The following CLUL1 variants were observed in gnomAD, a reference collection of about 807,000 sequenced individuals.
CLUL1 encodes the protein clusterin like 1.
In CLUL1, 43 loss-of-function variants were observed where a neutral mutation model predicts 49.4. The observed-to-expected ratio is 0.87, with a 90% CI of 0.68 to 1.12. CLUL1 has a LOEUF of 1.12. Ranked by LOEUF, CLUL1 falls within the 50% of genes most tolerant of loss-of-function variation. The pLI is 0.00. For synonymous variants in CLUL1, 192 were observed against 184.9 expected (o/e 1.04, Z -0.31); for missense variants, 486 against 544.4 (o/e 0.89, Z 1.07).
At chr18:645,337 A>G (rs554841408) in intron 9 of CLUL1, 17 of 334,766 alleles carry the variant, frequency 5.1e-5, no homozygotes, top group Non-Finnish European at 8.0e-5. Flanking sequence ...TGGTGGGAAC[A>G]TAATTGGTTT....
intron 6 of CLUL1, among the ~76,000 whole-genome samples, chr18:628,251 A>G (rs2073870367): frequency 6.6e-6 from 1 of 152,238 alleles, no homozygotes; most frequent in South Asian, 2.1e-4. Context: ...CTCACATATA[A>G]CCAGAGCAAT....
At chr18:600,567 C>T (rs878954922) in intron 1 of CLUL1, among the ~76,000 whole-genome samples, 1 of 152,168 alleles carries the variant, frequency 6.6e-6, no homozygotes, top group African/African-American at 2.4e-5. Flanking sequence ...GAAATACACT[C>T]AGAAACCTGA....
In CLUL1 at chr18:606,948, T is replaced by A; in HGVS notation, c.-135-30T>A. The A allele has an allele frequency of 1.7e-6, 1 of 602,612 alleles. No individual in the cohort carries two copies. Among genetic ancestry groups the A allele is most frequent in the South Asian group, 2.0e-5 (1 of 49,662 alleles). 37.3% of individuals were successfully genotyped at this position (602,612 alleles called of 1,614,324 possible). ...ATAATTTTAGGCGGCTCCCTAAAATTTCTTTTCTTTTTTCTTTTCTTTTCT... is the reference window on the plus strand; with the variant it reads ...ATAATTTTAGGCGGCTCCCTAAAATATCTTTTCTTTTTTCTTTTCTTTTCT... On this transcript the variant is annotated intron_variant, in intron 1 of 9. Transcript: ENST00000692774. This position sits in a 1 kb window ranked among gnomAD's most constrained non-coding sequence, Gnocchi z 4.1.
rs775023261 is a variant in CLUL1 at position 627,373 on chromosome 18, A to G, written c.700A>G (p.Lys234Glu). Residue 234 changes from lysine to glutamate, a missense_variant, in exon 6 of 10, where the codon AAA becomes GAA. By Grantham distance (56) the Lys-to-Glu change is moderately conservative. Coordinates refer to ENST00000692774, the MANE Select transcript of CLUL1 (RefSeq NM_001393344.1). ...GCCTTACTTTTTTCCAGCTTTCTCT[A>G]AAGAGCCGATGACAAAAGCAGATCT... ...TEPYFFPAFS[K>E]EPMTKADLEQ... 2.5e-6 allele frequency: 4 copies of G among 1,614,178 alleles called. No individual in the cohort carries two copies. The highest frequency in any genetic ancestry group is 2.2e-5 in the South Asian group (2 of 91,088).
At position 618,176 on chromosome 18, in the gene CLUL1, G is replaced by A. The variant is rs1196719308; in HGVS notation, c.106+70G>A. 3.5e-6 allele frequency: 4 copies of A among 1,157,588 alleles called. No homozygotes were observed. Among genetic ancestry groups the A allele is most frequent in the Non-Finnish European group, 5.2e-6 (4 of 773,502 alleles). The allele number at this position is 1,157,588 out of a possible 1,614,324, so 71.7% of individuals were successfully genotyped here. ...GTTGTCCTGCTGGCGTTTATAGTGAGTCGCAGTTGAGAGATAACCATATTC... is the reference window on the plus strand; with the variant it reads ...GTTGTCCTGCTGGCGTTTATAGTGAATCGCAGTTGAGAGATAACCATATTC... On this transcript the variant is annotated intron_variant, in intron 3 of 9. Coordinates refer to ENST00000692774, the MANE Select transcript of CLUL1 (RefSeq NM_001393344.1). This position sits in a 1 kb window ranked among gnomAD's most constrained non-coding sequence, Gnocchi z 4.2.
intron 1 of CLUL1, among the ~76,000 whole-genome samples, chr18:605,605 A>C (rs549911888): frequency 6.6e-6 from 1 of 152,186 alleles, no homozygotes; most frequent in Non-Finnish European, 1.5e-5. Context: ...TAAAGGATAC[A>C]TATCAGGAAA....
chr18:606,947 T>G lies in CLUL1; in HGVS notation c.-135-31T>G. On this transcript the variant is annotated intron_variant, in intron 1 of 9. Coordinates refer to ENST00000692774, the MANE Select transcript of CLUL1 (RefSeq NM_001393344.1). This position sits in a 1 kb window ranked among gnomAD's most constrained non-coding sequence, Gnocchi z 4.1. Reference sequence around the variant, plus strand: ...AATAATTTTAGGCGGCTCCCTAAAATTTCTTTTCTTTTTTCTTTTCTTTTC... The same window carrying G: ...AATAATTTTAGGCGGCTCCCTAAAAGTTCTTTTCTTTTTTCTTTTCTTTTC... 2 of 600,082 alleles carry G rather than the reference T, an allele frequency of 3.3e-6. No individual in the cohort carries two copies. Among genetic ancestry groups the G allele is most frequent in the Non-Finnish European group, 5.9e-6 (2 of 337,826 alleles). 37.2% of individuals were successfully genotyped at this position (600,082 alleles called of 1,614,324 possible).
intron 6 of CLUL1, among the ~76,000 whole-genome samples, chr18:630,477 T>C (rs2073961369): frequency 6.6e-6 from 1 of 152,020 alleles, no homozygotes; most frequent in Non-Finnish European, 1.5e-5. Context: ...CACAGGGTCC[T>C]TAAAAGTGGA....
At chr18:620,021 G>A (rs2073442314) in intron 4 of CLUL1, among the ~76,000 whole-genome samples, 1 of 151,800 alleles carries the variant, frequency 6.6e-6, no homozygotes, top group South Asian at 2.1e-4. Flanking sequence ...AGAGATTTTT[G>A]GTCTCTCATT....
At chr18:627,803 C>T (rs544411672) in intron 6 of CLUL1, among the ~76,000 whole-genome samples, 1 of 151,098 alleles carries the variant, frequency 6.6e-6, no homozygotes, top group South Asian at 2.1e-4. Flanking sequence ...AAAAAAAAAC[C>T]AGTTCCCTCA....
chr18:636,376 C>T (rs947847460), intron 7 of CLUL1, among the ~76,000 whole-genome samples: 1 of 151,884 alleles, frequency 6.6e-6, no homozygotes, highest in African/African-American at 2.4e-5. Context: ...TATTTAATCA[C>T]CTTGCTCAAG....
At chr18:634,929 T>A (rs1478449535) in intron 7 of CLUL1, among the ~76,000 whole-genome samples, 1 of 152,206 alleles carries the variant, frequency 6.6e-6, no homozygotes, top group Non-Finnish European at 1.5e-5. Flanking sequence ...TTTTGATTCC[T>A]ATGCTTCTGC....
chr18:609,423 T>C (rs1028523209), intron 2 of CLUL1, among the ~76,000 whole-genome samples: 2 of 152,180 alleles, frequency 1.3e-5, no homozygotes, highest in South Asian at 4.1e-4. Flanking sequence ...GTCCTTTTTT[T>C]CCCTTGGGGA....
At chr18:602,694 C>T (rs1397329043) in intron 1 of CLUL1, among the ~76,000 whole-genome samples, 1 of 152,002 alleles carries the variant, frequency 6.6e-6, no homozygotes, top group East Asian at 1.9e-4. Flanking sequence ...TAGAATGGGG[C>T]AATAAATGGC....
Position 624,904 on chromosome 18 carries a change from G to C in CLUL1, c.295G>C (p.Glu99Gln). The C allele has an allele frequency of 6.2e-7, 1 of 1,614,148 alleles. No individual in the cohort carries two copies. The highest frequency in any genetic ancestry group is 8.5e-7 in the Non-Finnish European group (1 of 1,180,002). Residue 99 changes from glutamate to glutamine, a missense_variant, in exon 5 of 10, where the codon GAG (glutamate) becomes CAG (glutamine). Physicochemically the swap from Glu to Gln is conservative, Grantham distance 29. Transcript: ENST00000692774. ...KLLNEVQEHL[E>Q]EEERLCRESL... ...TCTGAATGAAGTTCAAGAACATCTG[G>C]AGGAAGAAGAAAGGCTATGCCGGGA...
intron 9 of CLUL1, among the ~76,000 whole-genome samples, chr18:645,810 AATATATAT>A (rs35329822): frequency 2.5e-3 from 74 of 29,820 alleles, no homozygotes; most frequent in African/African-American, 3.9e-3. Flanking sequence ...AAAAAAAAAA[AATATATAT>A]ATATATATAT....
chr18:626,653 G>A (rs956549739), intron 5 of CLUL1, among the ~76,000 whole-genome samples: 7 of 151,026 alleles, frequency 4.6e-5, no homozygotes, highest in Non-Finnish European at 8.8e-5. Context: ...GAGCTCAGGA[G>A]TTCGAGACCA....
intron 4 of CLUL1, 117 bp downstream of exon 4, chr18:619,478 G>C: frequency 1.0e-6 from 1 of 969,240 alleles, no homozygotes; most frequent in Non-Finnish European, 1.5e-6. Flanking sequence ...ATGGGTAGCT[G>C]CTTTTATTTG....
intron 5 of CLUL1, among the ~76,000 whole-genome samples, 193 bp from the exon 6 acceptor site, chr18:626,904 A>G (rs904042412): frequency 5.5e-3 from 4 of 728 alleles, no homozygotes; most frequent in African/African-American, 6.0e-3. Context: ...AGAAAGAAAG[A>G]AAGAAAGAAA....
Sources: gnomAD v4.1 joint callset for allele counts (sites outside exome capture counted in the v4.1 genomes callset) on GRCh38, gnomAD v4.1.1 for gene constraint, Gnocchi (gnomAD v3.1) non-coding constraint, MANE v1.5 for transcripts, NCBI Gene and HGNC (gene_info 2026-07-23, HGNC 2026-07-21) for gene names.